Variants in GABBR2 observed in about 807,000 individuals in gnomAD.
GABBR2 encodes the protein G-protein coupled receptor 51.
A neutral mutation model predicts 105.6 loss-of-function variants in GABBR2; 23 were observed. The observed-to-expected ratio is 0.22, with a 90% CI of 0.16 to 0.31. GABBR2 has a LOEUF of 0.31. Among genes scored for constraint, GABBR2 ranks in the 10% least tolerant of loss-of-function variants. The probability of loss-of-function intolerance (pLI) is 1.00; values close to 1 mark genes in which losing one functional copy is unlikely to be tolerated. For missense variants in GABBR2, 734 were observed against 1,245.5 expected (o/e 0.59, Z 6.18); for synonymous variants, 478 against 499.7 (o/e 0.96, Z 0.58).
At chr9:98,410,969 A>G (rs1832581752) in intron 7 of GABBR2, among the ~76,000 whole-genome samples, 1 of 152,126 alleles carries the variant, frequency 6.6e-6, no homozygotes, top group Admixed American at 6.5e-5. Context: ...CAAAGTTGGA[A>G]CCAGTTCCTG....
intron 1 of GABBR2, among the ~76,000 whole-genome samples, chr9:98,636,216 AC>A (rs1829873812): frequency 6.6e-6 from 1 of 152,160 alleles, no homozygotes; most frequent in African/African-American, 2.4e-5. Context: ...CCATCAAAGT[AC>A]CCGGCAAAAA....
chr9:98,489,445 G>C (rs951424834), intron 4 of GABBR2, among the ~76,000 whole-genome samples: 1 of 152,196 alleles, frequency 6.6e-6, no homozygotes, highest in African/African-American at 2.4e-5. Flanking sequence ...TGGGCCCAGA[G>C]ACCCTAAATG....
intron 15 of GABBR2, among the ~76,000 whole-genome samples, chr9:98,303,990 C>T (rs1057006363): frequency 2.6e-5 from 4 of 152,224 alleles, no homozygotes; most frequent in Non-Finnish European, 4.4e-5. Flanking sequence ...GTATAGAAAA[C>T]AAAAAGTTGC....
At chr9:98,575,348 A>C (rs1179163628) in intron 2 of GABBR2, among the ~76,000 whole-genome samples, 1 of 152,142 alleles carries the variant, frequency 6.6e-6, no homozygotes, top group East Asian at 1.9e-4. Flanking sequence ...CAGTGTAAGA[A>C]AAGGTGGGAA....
intron 1 of GABBR2, among the ~76,000 whole-genome samples, chr9:98,699,769 A>T (rs994795145): frequency 6.6e-6 from 1 of 151,920 alleles, no homozygotes; most frequent in African/African-American, 2.4e-5. Context: ...GGGCTCATAC[A>T]CTCACGGTTT....
At chr9:98,675,488 C>T (rs1033025189) in intron 1 of GABBR2, among the ~76,000 whole-genome samples, 5 of 152,162 alleles carry the variant, frequency 3.3e-5, no homozygotes, top group African/African-American at 1.2e-4. Flanking sequence ...TTAGAGATGA[C>T]GCCAAAGCCC....
intron 1 of GABBR2, among the ~76,000 whole-genome samples, chr9:98,673,230 T>C (rs1472041308): frequency 6.6e-6 from 1 of 152,090 alleles, no homozygotes; most frequent in Non-Finnish European, 1.5e-5. Flanking sequence ...CCGGTGCATA[T>C]AGAGAGGCAA....
intron 13 of GABBR2, among the ~76,000 whole-genome samples, chr9:98,317,852 T>C (rs1830745561): frequency 6.6e-6 from 1 of 152,188 alleles, no homozygotes; most frequent in South Asian, 2.1e-4. Flanking sequence ...AGTACAGTTA[T>C]GAATACAAAC....
chr9:98,412,265 T>C (rs534767657), intron 7 of GABBR2, among the ~76,000 whole-genome samples: 1 of 152,352 alleles, frequency 6.6e-6, no homozygotes, highest in Non-Finnish European at 1.5e-5. Context: ...CTCGCTGGGC[T>C]CAGCCTAATA....
At chr9:98,447,010 C>G (rs73505004) in intron 7 of GABBR2, among the ~76,000 whole-genome samples, 7,571 of 151,440 alleles carry the variant, frequency 0.05, 395 homozygotes, top group African/African-American at 0.13. Flanking sequence ...ATGGAGTTCC[C>G]GGTGCCCTGT....
chr9:98,514,252 T>G (rs1487328782), intron 3 of GABBR2, among the ~76,000 whole-genome samples: 2 of 130,790 alleles, frequency 1.5e-5, no homozygotes, highest in East Asian at 2.0e-4. Flanking sequence ...TGGGGACTGT[T>G]GTGGGGTAGG....
rs143851625 is a variant in GABBR2 at position 98,411,894 on chromosome 9, A to G, written c.1237-5753T>C. Among the ~76,000 whole-genome samples the G allele has an allele frequency of 2.5e-3, 374 of 152,328 alleles. 2 individuals are homozygous for G. Among genetic ancestry groups the G allele is most frequent in the African/African-American group, 8.6e-3 (358 of 41,584 alleles). ...CGGCTGCAAAATCCCATCTGATGTC[A>G]GTTCAGAATCCTCAGAAAAGTTAGT... is the stretch of plus-strand genomic sequence containing the variant. On this transcript the variant is annotated intron_variant, in intron 7 of 18. Coordinates refer to ENST00000259455, the MANE Select transcript of GABBR2 (RefSeq NM_005458.8).
intron 9 of GABBR2, among the ~76,000 whole-genome samples, chr9:98,391,983 G>A (rs1832189421): frequency 6.6e-6 from 1 of 152,166 alleles, no homozygotes; most frequent in Admixed American, 6.5e-5. Flanking sequence ...GGGGCTGAGA[G>A]CTGAACCCAG....
chr9:98,632,973 TA>T (rs137898317), intron 1 of GABBR2, among the ~76,000 whole-genome samples: 1,979 of 152,236 alleles, frequency 0.013, 41 homozygotes, highest in African/African-American at 0.045. Context: ...TGGAGAAGTA[TA>T]AAAGTAAATA....
At chr9:98,360,563 G>C (rs1377112341) in intron 13 of GABBR2, among the ~76,000 whole-genome samples, 1 of 152,124 alleles carries the variant, frequency 6.6e-6, no homozygotes, top group African/African-American at 2.4e-5. Flanking sequence ...ACACAGAAAG[G>C]CACTTCTGCA....
At chr9:98,618,338 G>A (rs1313741992) in intron 1 of GABBR2, among the ~76,000 whole-genome samples, 1 of 152,130 alleles carries the variant, frequency 6.6e-6, no homozygotes, top group African/African-American at 2.4e-5. Context: ...CACAATAGTT[G>A]GGGGTTTGTG....
intron 2 of GABBR2, among the ~76,000 whole-genome samples, chr9:98,551,127 G>A (rs1828479130): frequency 6.6e-6 from 1 of 152,180 alleles, no homozygotes. Context: ...ACAGGGCTAG[G>A]TGCAGTGGCT....
intron 1 of GABBR2, among the ~76,000 whole-genome samples, chr9:98,697,385 G>A (rs1830768156): frequency 6.6e-6 from 1 of 152,098 alleles, no homozygotes; most frequent in South Asian, 2.1e-4. Flanking sequence ...CAGCTACTCG[G>A]AAGGCGGAGG....
chr9:98,704,656 T>C (rs992340047), intron 1 of GABBR2, among the ~76,000 whole-genome samples: 1 of 152,242 alleles, frequency 6.6e-6, no homozygotes, highest in African/African-American at 2.4e-5. Flanking sequence ...ATGATGCTAA[T>C]TATTAGATGT....
Sources: gnomAD v4.1 joint callset for allele counts (sites outside exome capture counted in the v4.1 genomes callset) on GRCh38, gnomAD v4.1.1 for gene constraint, MANE v1.5 for transcripts, NCBI Gene and HGNC (gene_info 2026-07-23, HGNC 2026-07-21) for gene names.